The following POM121 variants were observed in gnomAD, a reference collection of about 807,000 sequenced individuals.
The protein encoded by POM121 is POM121 transmembrane nucleoporin.
POM121 carries 32 observed loss-of-function variants against 81.3 expected under a neutral mutation model. The observed-to-expected ratio is 0.39, with a 90% CI of 0.30 to 0.53. The LOEUF (loss-of-function observed/expected upper bound fraction) is 0.53, where lower values mean the gene tolerates loss of function less well. Ranked by LOEUF, POM121 falls within the 20% of genes least tolerant of loss-of-function variation. POM121 has a pLI of 0.66. For missense variants in POM121, 1,138 were observed against 1,614.6 expected, an observed-to-expected ratio of 0.70 and a Z score of 5.06; for synonymous variants, 514 against 694.2, an observed-to-expected ratio of 0.74 and a Z score of 4.08.
chr7:72,880,089 G>A (rs1370680257), intron 1 of POM121, among the ~76,000 whole-genome samples: 1 of 152,168 alleles, frequency 6.6e-6, no homozygotes, highest in Non-Finnish European at 1.5e-5. Context: ...AGCGTGGAGG[G>A]TGTCACCACC....
chr7:72,926,859 A>G lies in POM121; in HGVS notation c.918A>G (p.Pro306=). Reference sequence around the variant, plus strand: ...CACCATCAAGTAACGCCCCAGACCCATGTGCAAAGGAGACAGTACTGAGTG... The same window carrying G: ...CACCATCAAGTAACGCCCCAGACCCGTGTGCAAAGGAGACAGTACTGAGTG... ...LSSPSSNAPD[P]CAKETVLSAL... Residue 306 remains proline (P), a synonymous_variant, in exon 3 of 13, where the codon CCA becomes CCG. Transcript: ENST00000434423. The G allele has an allele frequency of 1.2e-6, 2 of 1,613,994 alleles. No homozygotes were observed. Among genetic ancestry groups the G allele is most frequent in the Non-Finnish European group, 1.7e-6 (2 of 1,179,864 alleles).
rs1172688864 is a variant in POM121, at chr7:72,939,376, T to C, written c.1408T>C (p.Leu470=). 8.7e-6 allele frequency: 14 copies of C among 1,613,794 alleles called. No individual in the cohort carries two copies. Among genetic ancestry groups the C allele is most frequent in the Admixed American group, 1.7e-5 (1 of 59,986 alleles). Residue 470 remains leucine (L), a synonymous_variant, in exon 7 of 13, where the codon TTG becomes CTG. Transcript: ENST00000434423. ...LCHHSSSSTP[L]AADRESQGEK... ...TCATCATTCCAGTTCTTCAACTCCA[T>C]TGGCAGCAGACAGGGAGTCCCAGGG...
Position 72,943,500 on chromosome 7 carries a change from T to A in POM121, c.3507T>A (p.Thr1169=). 1 of 1,612,274 alleles carries A rather than the reference T, an allele frequency of 6.2e-7. No homozygotes were observed. Among genetic ancestry groups the A allele is most frequent in the East Asian group, 2.2e-5 (1 of 44,856 alleles). The change falls in exon 11 of 13, where the codon ACT becomes ACA. Residue 1169 remains threonine, a synonymous_variant. Transcript: ENST00000434423. ...TTGCCTTCAACGTGAGCAGCACAACTGAGAGCAAACCTGTGTTTGGAGGTA... is the reference window on the plus strand; with the variant it reads ...TTGCCTTCAACGTGAGCAGCACAACAGAGAGCAAACCTGTGTTTGGAGGTA... ...TPFAFNVSST[T]ESKPVFGGTA... is the part of the protein sequence containing the mutation.
intron 3 of POM121, among the ~76,000 whole-genome samples, chr7:72,892,493 CTT>C (rs1791397700): frequency 6.6e-6 from 1 of 152,212 alleles, no homozygotes; most frequent in South Asian, 2.1e-4. Flanking sequence ...CATTCTGTTT[CTT>C]TTGACATTAG....
chr7:72,948,533 T>C (rs200056416), downstream of POM121: 1,034 of 1,613,070 alleles, frequency 6.4e-4, 14 homozygotes, highest in South Asian at 4.9e-3. Flanking sequence ...TTTGCTCTCT[T>C]CTTTCTCTTT....
intron 2 of POM121, 27 bp downstream of exon 2, chr7:72,926,504 C>T (rs782624779): frequency 1.2e-6 from 2 of 1,612,966 alleles, no homozygotes; most frequent in East Asian, 2.2e-5. Context: ...GAAGAATACT[C>T]TCCCTTTTCG....
At chr7:72,896,877 G>A (rs1348837132) in intron 3 of POM121, among the ~76,000 whole-genome samples, 2 of 152,266 alleles carry the variant, frequency 1.3e-5, no homozygotes, top group African/African-American at 2.4e-5. Flanking sequence ...AACTGAACAC[G>A]TTACCCTAAT....
chr7:72,948,227 G>T lies in POM121; in HGVS notation c.*1993G>T. The T allele has an allele frequency of 6.9e-7, 1 of 1,449,448 alleles. No individual in the cohort carries two copies. Among genetic ancestry groups the T allele is most frequent in the East Asian group, 2.5e-5 (1 of 40,250 alleles). The allele number at this position is 1,449,448 out of a possible 1,614,324, so 89.8% of individuals were successfully genotyped here. A position where few individuals can be genotyped will look rare whatever the true frequency, so the allele number is the denominator to read the frequency against. On this transcript the variant is annotated 3_prime_UTR_variant, in exon 13 of 13. Coordinates refer to ENST00000434423, the MANE Select transcript of POM121 (RefSeq NM_001387691.1). ...GACTTCATTCCTGTTGAGTCTAGTT[G>T]GAATTTTTAGTATGAATGTGAGATT...
Position 72,925,174 on chromosome 7 carries a change from CGAG to C in POM121, c.54_56del (p.Ser19del), listed in dbSNP as rs1273995136. On this transcript the variant is annotated inframe_deletion, in exon 1 of 13. Coordinates refer to ENST00000434423, the MANE Select transcript of POM121 (RefSeq NM_001387691.1). ...GCAGGCGAGCGGCGGCGGCCCATAGCGAGTGTCAGGGACGGCCGGGGCCGGGGC... is the reference window on the plus strand; with the variant it reads ...GCAGGCGAGCGGCGGCGGCCCATAGCTGTCAGGGACGGCCGGGGCCGGGGC... 35 of 1,504,788 alleles carry C rather than the reference CGAG, an allele frequency of 2.3e-5. 1 individual carries two copies. The African/African-American group carries it at 4.8e-4, about 20-fold the overall frequency. 93.2% of individuals were successfully genotyped at this position (1,504,788 alleles called of 1,614,324 possible). A position where few individuals can be genotyped will look rare whatever the true frequency, so the allele number is the denominator to read the frequency against.
At chr7:72,949,858 A>G (rs1369893009), downstream of POM121, 2 of 1,576,416 alleles carry the variant, frequency 1.3e-6, no homozygotes, top group Non-Finnish European at 1.7e-6. Context: ...TTGGTTCTTC[A>G]GAAGAGCAGC....
chr7:72,882,844 TG>T (rs1481757911), intron 1 of POM121, among the ~76,000 whole-genome samples: 1 of 152,198 alleles, frequency 6.6e-6, no homozygotes, highest in African/African-American at 2.4e-5. Context: ...TCAGTAAAGG[TG>T]ACCAGTGATT....
chr7:72,923,613 T>C (rs1360885984), upstream of POM121, among the ~76,000 whole-genome samples: 21 of 137,898 alleles, frequency 1.5e-4, no homozygotes, highest in East Asian at 4.4e-3. Context: ...TTTTTTTTTT[T>C]TTTTGAGACG....
At chr7:72,945,909 C>T (rs1797644648) in intron 12 of POM121, among the ~76,000 whole-genome samples, 1 of 152,082 alleles carries the variant, frequency 6.6e-6, no homozygotes, top group Non-Finnish European at 1.5e-5. Context: ...GGAAGTTTGC[C>T]TCCCATGGGA....
chr7:72,909,889 C>T (rs574770960), intron 3 of POM121, among the ~76,000 whole-genome samples: 1 of 152,310 alleles, frequency 6.6e-6, no homozygotes, highest in Non-Finnish European at 1.5e-5. Flanking sequence ...TCAAGTGTTC[C>T]TCCCATCTCG....
chr7:72,936,572 C>G (rs1266661088), intron 5 of POM121, among the ~76,000 whole-genome samples: 4 of 152,092 alleles, frequency 2.6e-5, no homozygotes, highest in Non-Finnish European at 5.9e-5. Flanking sequence ...CCACCGTGCC[C>G]AGCTTGTTTT....
intron 3 of POM121, among the ~76,000 whole-genome samples, chr7:72,894,588 A>C (rs1375587165): frequency 2.7e-5 from 4 of 150,238 alleles, no homozygotes; most frequent in African/African-American, 1.0e-4. Flanking sequence ...AAAAAAAAAA[A>C]AAACTCTTTC....
At chr7:72,881,066 C>CTTTCTTTTTTT (rs1790100728) in intron 1 of POM121, among the ~76,000 whole-genome samples, 1 of 47,196 alleles carries the variant, frequency 2.1e-5, no homozygotes, top group African/African-American at 5.4e-5. Flanking sequence ...CCCTATCACT[C>CTTTCTTTTTTT]TTTTTTTTTT....
chr7:72,901,452 T>G (rs546750392), intron 3 of POM121, among the ~76,000 whole-genome samples: 1 of 151,816 alleles, frequency 6.6e-6, no homozygotes, highest in Non-Finnish European at 1.5e-5. Flanking sequence ...CCTCCTGGGT[T>G]CAAGCGATTC....
At chr7:72,921,019 A>G (rs1471445797), upstream of POM121, among the ~76,000 whole-genome samples, 6 of 152,034 alleles carry the variant, frequency 3.9e-5, no homozygotes, top group African/African-American at 1.4e-4. Context: ...AGTCTCTACT[A>G]AAAATACAAA....
Sources: gnomAD v4.1 joint callset for allele counts (sites outside exome capture counted in the v4.1 genomes callset) on GRCh38, gnomAD v4.1.1 for gene constraint, MANE v1.5 for transcripts, NCBI Gene and HGNC (gene_info 2026-07-23, HGNC 2026-07-21) for gene names.